The following DENND2C variants were observed in gnomAD, a reference collection of about 807,000 sequenced individuals.
DENND2C encodes DENN domain containing 2C.
In DENND2C, 72 loss-of-function variants were observed where a neutral mutation model predicts 112.4. The observed-to-expected ratio is 0.64, with a 90% CI of 0.53 to 0.78. The LOEUF (loss-of-function observed/expected upper bound fraction) is 0.78, where lower values mean the gene tolerates loss of function less well. Ranked by LOEUF, DENND2C falls within the 30% of genes least tolerant of loss-of-function variation. The pLI is 0.00. For missense variants in DENND2C, 992 were observed against 1,113.8 expected, an observed-to-expected ratio of 0.89 and a Z score of 1.56; for synonymous variants, 329 against 381.6, an observed-to-expected ratio of 0.86 and a Z score of 1.61.
At chr1:114,591,598 C>T (rs551134716) in intron 18 of DENND2C, among the ~76,000 whole-genome samples, 75 of 152,136 alleles carry the variant, frequency 4.9e-4, no homozygotes, top group African/African-American at 1.5e-3. Context: ...TGTCCCTTGA[C>T]GAAAAGAAAA....
chr1:114,625,976 A>G lies in DENND2C; in HGVS notation c.9T>C (p.Val3=). The G allele has an allele frequency of 1.2e-6, 2 of 1,607,922 alleles. No homozygotes were observed. Among genetic ancestry groups the G allele is most frequent in the South Asian group, 1.1e-5 (1 of 90,572 alleles). The change falls in exon 4 of 21, where the codon GTT becomes GTC. Residue 3 remains valine, a synonymous_variant. Transcript: ENST00000393274. MD[V]GFSRTTVQTL... is the part of the protein sequence containing the mutation. ...TCTGAACAGTAGTACGAGAAAAACC[A>G]ACATCCATGTTCCCAACTGGGTGAA...
intron 2 of DENND2C, among the ~76,000 whole-genome samples, chr1:114,652,992 G>GT (rs1358409208): frequency 1.4e-4 from 22 of 152,124 alleles, no homozygotes; most frequent in African/African-American, 4.8e-4. Flanking sequence ...CAACCATCCA[G>GT]TTTTTTCTGA....
intron 3 of DENND2C, among the ~76,000 whole-genome samples, chr1:114,645,189 G>A (rs953769253): frequency 1.3e-5 from 2 of 152,062 alleles, no homozygotes; most frequent in Non-Finnish European, 2.9e-5. Flanking sequence ...GTTATAGATC[G>A]AACCGTGTCC....
intron 20 of DENND2C, among the ~76,000 whole-genome samples, 198 bp from the exon 21 acceptor site, chr1:114,585,829 G>T (rs531214487): frequency 6.6e-6 from 1 of 152,106 alleles, no homozygotes; most frequent in South Asian, 2.1e-4. Context: ...TAATTGTAGC[G>T]GCAGAAAAGA....
At position 114,626,107 on chromosome 1, in the gene DENND2C, T is replaced by G; in HGVS notation, c.-123A>C. The G allele has an allele frequency of 9.4e-7, 1 of 1,064,272 alleles. No homozygotes were observed. The allele number at this position is 1,064,272 out of a possible 1,614,324, so 65.9% of individuals were successfully genotyped here. A position where few individuals can be genotyped will look rare whatever the true frequency, so the allele number is the denominator to read the frequency against. The stretch of plus-strand genomic sequence containing the variant: ...GATTCCAGTATTTTCCCTTCATGTT[T>G]AACTTGTAAATCTCTTTGTAAAAAG... On this transcript the variant is annotated 5_prime_UTR_variant, in exon 4 of 21. Coordinates refer to ENST00000393274, the MANE Select transcript of DENND2C (RefSeq NM_001256404.2).
In DENND2C at chr1:114,585,570, G is replaced by A; in HGVS notation, c.*30C>T. ...AATATTTTCTTTGGCACTTTCTGTT[G>A]TATATTCAGGATGGAGACAATCAGA... On this transcript the variant is annotated 3_prime_UTR_variant, in exon 21 of 21. Coordinates refer to ENST00000393274, the MANE Select transcript of DENND2C (RefSeq NM_001256404.2). 6.2e-7 allele frequency: 1 copy of A among 1,610,998 alleles called. No homozygotes were observed. The highest frequency in any genetic ancestry group is 8.5e-7 in the Non-Finnish European group (1 of 1,177,608).
At chr1:114,648,813 C>G (rs762017058) in intron 2 of DENND2C, among the ~76,000 whole-genome samples, 1 of 152,106 alleles carries the variant, frequency 6.6e-6, no homozygotes, top group Non-Finnish European at 1.5e-5. Context: ...GAAATTTCAG[C>G]AGAAGTTCTA....
chr1:114,667,786 ATGAC>A (rs966177509), intron 1 of DENND2C, among the ~76,000 whole-genome samples: 2 of 152,218 alleles, frequency 1.3e-5, no homozygotes, highest in African/African-American at 4.8e-5. Context: ...TCCTTGGAGA[ATGAC>A]TGATTTGAAT....
At chr1:114,653,400 C>T (rs77840514) in intron 2 of DENND2C, among the ~76,000 whole-genome samples, 7,344 of 152,070 alleles carry the variant, frequency 0.048, 206 homozygotes, top group Middle Eastern at 0.065. Flanking sequence ...TGAGCCACTG[C>T]GCCCAGCCTC....
intron 8 of DENND2C, among the ~76,000 whole-genome samples, chr1:114,617,203 A>G (rs1655994456): frequency 6.6e-6 from 1 of 152,238 alleles, no homozygotes; most frequent in Admixed American, 6.5e-5. Context: ...AACCAAGTTA[A>G]GAATCTTGCG....
At chr1:114,608,147 C>T (rs933154138) in intron 10 of DENND2C, among the ~76,000 whole-genome samples, 1 of 152,146 alleles carries the variant, frequency 6.6e-6, no homozygotes, top group Non-Finnish European at 1.5e-5. Context: ...TGTGGTGGCA[C>T]ACGCCTGTAG....
Position 114,618,370 on chromosome 1 carries a change from GA to G in DENND2C, c.1324+15del. ...CTGACAGCTACAGGATAGCTGGAAC[GA>G]AAAACAATTCTTACCTTTTGTCGGA... On this transcript the variant is annotated intron_variant, in intron 8 of 20. Coordinates refer to ENST00000393274, the MANE Select transcript of DENND2C (RefSeq NM_001256404.2). 6.6e-7 allele frequency: 1 copy of G among 1,524,324 alleles called. No individual in the cohort carries two copies. The highest frequency in any genetic ancestry group is 8.9e-7 in the Non-Finnish European group (1 of 1,126,342). 94.4% of individuals were successfully genotyped at this position (1,524,324 alleles called of 1,614,324 possible).
intron 6 of DENND2C, 53 bp from the exon 7 acceptor site, chr1:114,622,118 T>A: frequency 6.8e-7 from 1 of 1,461,716 alleles, no homozygotes; most frequent in Non-Finnish European, 9.1e-7. Flanking sequence ...CTGTTGTTGC[T>A]TGTTTGTTTG....
At chr1:114,635,143 G>A (rs1211895495) in intron 3 of DENND2C, among the ~76,000 whole-genome samples, 2 of 151,020 alleles carry the variant, frequency 1.3e-5, no homozygotes, top group African/African-American at 4.9e-5. Context: ...CTTAACATTT[G>A]TTTAAATTGT....
intron 18 of DENND2C, 36 bp from the exon 19 acceptor site, chr1:114,587,988 C>G: frequency 6.3e-7 from 1 of 1,578,998 alleles, no homozygotes; most frequent in Non-Finnish European, 8.7e-7. Flanking sequence ...AGAAAAAAAT[C>G]TCCTCAGTTA....
chr1:114,625,548 G>A lies in DENND2C; in HGVS notation c.437C>T (p.Ser146Leu). ...TTCTATTTTCTTCCACAGTATTTGT[G>A]AGGTATAGAAGTTTCCTGGAGGTAA... The part of the protein sequence containing the change: ...TSLPPGNFYT[S>L]QILWKKIEAL... Residue 146 changes from serine (S) to leucine (L), a missense_variant, in exon 4 of 21, where the codon TCA becomes TTA. This residue lies in a region of DENND2C where 470 missense variants were observed against 472.7 expected (regional missense o/e 0.99). Transcript: ENST00000393274. The A allele has an allele frequency of 6.2e-7, 1 of 1,614,072 alleles. No individual in the cohort carries two copies. Among genetic ancestry groups the A allele is most frequent in the Non-Finnish European group, 8.5e-7 (1 of 1,179,994 alleles).
chr1:114,642,271 T>A (rs566352268), intron 3 of DENND2C, among the ~76,000 whole-genome samples: 1 of 152,122 alleles, frequency 6.6e-6, no homozygotes, highest in Admixed American at 6.6e-5. Flanking sequence ...AGCAGGTAAA[T>A]ATTTCATGGT....
chr1:114,665,775 T>C (rs1419790704), intron 1 of DENND2C, among the ~76,000 whole-genome samples: 1 of 152,224 alleles, frequency 6.6e-6, no homozygotes, highest in Admixed American at 6.5e-5. Flanking sequence ...TGGACAAAAT[T>C]AGCATAGATA....
At chr1:114,636,884 G>A (rs952696283) in intron 3 of DENND2C, among the ~76,000 whole-genome samples, 4 of 151,824 alleles carry the variant, frequency 2.6e-5, no homozygotes, top group Non-Finnish European at 5.9e-5. Flanking sequence ...AATTAACTGT[G>A]CCTCTATATA....
Sources: gnomAD v4.1 joint callset for allele counts (sites outside exome capture counted in the v4.1 genomes callset) on GRCh38, gnomAD v4.1.1 for gene constraint, gnomAD v4.1.1 regional missense constraint, MANE v1.5 for transcripts, NCBI Gene and HGNC (gene_info 2026-07-23, HGNC 2026-07-21) for gene names.